The following SORCS3 variants were observed in gnomAD, a reference collection of about 807,000 sequenced individuals.
The protein encoded by SORCS3 is sortilin related VPS10 domain containing receptor 3.
SORCS3 carries 57 observed loss-of-function variants against 146.3 expected under a neutral mutation model. The observed-to-expected ratio is 0.39, with a 90% CI of 0.31 to 0.49. The LOEUF is 0.49. SORCS3 is among the 20% of genes least tolerant of loss of function. The pLI, the probability that SORCS3 is intolerant of heterozygous loss-of-function variation, is 0.92. For missense variants in SORCS3, 1,341 were observed against 1,575.5 expected (o/e 0.85, Z 2.52); for synonymous variants, 653 against 618.5 (o/e 1.06, Z -0.83).
chr10:105,222,764 C>G (rs191146406), intron 19 of SORCS3, among the ~76,000 whole-genome samples: 92 of 152,296 alleles, frequency 6.0e-4, no homozygotes, highest in African/African-American at 2.2e-3. Context: ...ACAATACAGG[C>G]TAATCATCAA....
At chr10:105,094,179 A>C (rs1298883601) in intron 6 of SORCS3, among the ~76,000 whole-genome samples, 1 of 152,156 alleles carries the variant, frequency 6.6e-6, no homozygotes, top group Non-Finnish European at 1.5e-5. Context: ...ATAGATAGAG[A>C]ATTTACTGGT....
intron 9 of SORCS3, among the ~76,000 whole-genome samples, chr10:105,151,312 A>G (rs1160106528): frequency 6.6e-6 from 1 of 152,202 alleles, no homozygotes; most frequent in Non-Finnish European, 1.5e-5. Context: ...AAGATTGTAA[A>G]TATACTGGTA....
chr10:104,641,525 C>A lies in SORCS3; in HGVS notation c.198C>A (p.Ser66Arg). The change falls in exon 1 of 27, where the codon AGC (serine) becomes AGA (arginine). Residue 66 changes from serine to arginine, a missense_variant. Transcript: ENST00000369701. This position sits in a 1 kb window ranked among gnomAD's most constrained non-coding sequence, Gnocchi z 6.4. ...LSPLSPRAVA[S>R]QWPEELASAR... ...CACTCTCGCCGCGGGCAGTGGCCAG[C>A]CAGTGGCCGGAGGAGCTGGCGTCGG... The A allele has an allele frequency of 6.8e-7, 1 of 1,474,662 alleles. No homozygotes were observed. Among genetic ancestry groups the A allele is most frequent in the South Asian group, 1.3e-5 (1 of 77,234 alleles). 91.3% of individuals were successfully genotyped at this position (1,474,662 alleles called of 1,614,324 possible). A position where few individuals can be genotyped will look rare whatever the true frequency, so the allele number is the denominator to read the frequency against.
intron 1 of SORCS3, among the ~76,000 whole-genome samples, chr10:104,720,374 C>T (rs915061364): frequency 5.3e-5 from 8 of 152,140 alleles, no homozygotes; most frequent in Non-Finnish European, 1.2e-4. Flanking sequence ...TCCAGTCTAT[C>T]ATTGTTGGAC....
In SORCS3 at chr10:104,772,029, A is replaced by G. The variant is rs575694617; in HGVS notation, c.628-70763A>G. On this transcript the variant is annotated intron_variant, in intron 1 of 26. Coordinates refer to ENST00000369701, the MANE Select transcript of SORCS3 (RefSeq NM_014978.3). ...TGTATCTGGGTGCAGGGAGGGGCCA[A>G]TGCTTAGGCTAAGACTTGTGTTTCG... 3.9e-4 allele frequency among the ~76,000 whole-genome samples: 60 copies of G among 152,256 alleles called. 1 individual carries two copies. Among genetic ancestry groups the G allele is most frequent in the African/African-American group, 1.4e-3 (59 of 41,538 alleles).
At chr10:105,210,008 T>A (rs917966646) in intron 16 of SORCS3, among the ~76,000 whole-genome samples, 14 of 152,060 alleles carry the variant, frequency 9.2e-5, no homozygotes, top group African/African-American at 2.2e-4. Flanking sequence ...TTTTAAGTTT[T>A]TTATTATTAT....
chr10:104,895,739 C>G (rs550371726), intron 2 of SORCS3, among the ~76,000 whole-genome samples: 5 of 152,336 alleles, frequency 3.3e-5, no homozygotes, highest in African/African-American at 1.2e-4. Context: ...CATGCCTGTA[C>G]ACGCTTACAT....
chr10:104,982,441 G>A (rs2054936402), intron 4 of SORCS3, among the ~76,000 whole-genome samples: 1 of 152,168 alleles, frequency 6.6e-6, no homozygotes, highest in African/African-American at 2.4e-5. Flanking sequence ...GCTATTGGCA[G>A]AAACAGGCTT....
At chr10:105,101,127 G>T (rs2133750032) in intron 6 of SORCS3, among the ~76,000 whole-genome samples, 1 of 152,300 alleles carries the variant, frequency 6.6e-6, no homozygotes, top group African/African-American at 2.4e-5. Context: ...CACACTTGTT[G>T]GAAGCCTATT....
chr10:104,824,922 A>G (rs143771073), intron 1 of SORCS3, among the ~76,000 whole-genome samples: 149 of 152,314 alleles, frequency 9.8e-4, no homozygotes, highest in African/African-American at 3.5e-3. Flanking sequence ...AGCCCCTGAA[A>G]TGAAAAGAGA....
At chr10:104,789,702 A>G (rs906048493) in intron 1 of SORCS3, among the ~76,000 whole-genome samples, 1 of 139,284 alleles carries the variant, frequency 7.2e-6, no homozygotes, top group South Asian at 2.3e-4. Flanking sequence ...GTTTAGTCAG[A>G]AAAAAAACTT....
intron 2 of SORCS3, among the ~76,000 whole-genome samples, chr10:104,893,038 G>A (rs4918138): frequency 0.1 from 15,398 of 152,196 alleles, 885 homozygotes; most frequent in South Asian, 0.27. Context: ...TTTAGAAGGA[G>A]CTACCCTCTC....
intron 2 of SORCS3, among the ~76,000 whole-genome samples, chr10:104,867,495 G>C (rs538459498): frequency 1.3e-5 from 2 of 152,146 alleles, no homozygotes; most frequent in South Asian, 4.1e-4. Context: ...ATTTTTAGTA[G>C]AGACAGGGTT....
intron 7 of SORCS3, among the ~76,000 whole-genome samples, chr10:105,105,985 C>T (rs1411978391): frequency 1.3e-5 from 2 of 152,118 alleles, no homozygotes; most frequent in African/African-American, 4.8e-5. Flanking sequence ...TGTCCCAAAG[C>T]GTTTACTCCC....
intron 25 of SORCS3, among the ~76,000 whole-genome samples, chr10:105,259,268 G>A (rs957574047): frequency 6.6e-6 from 1 of 152,162 alleles, no homozygotes; most frequent in African/African-American, 2.4e-5. Context: ...GCCATTAAAC[G>A]CTCTGTTGAG....
At chr10:104,828,682 A>G (rs930484247) in intron 1 of SORCS3, among the ~76,000 whole-genome samples, 2 of 152,130 alleles carry the variant, frequency 1.3e-5, no homozygotes, top group Admixed American at 1.3e-4. Context: ...AAAGAAAACC[A>G]CAGTATCTGT....
chr10:105,170,806 G>A (rs776533401), intron 13 of SORCS3, among the ~76,000 whole-genome samples: 2 of 152,174 alleles, frequency 1.3e-5, no homozygotes, highest in African/African-American at 2.4e-5. Context: ...GTAAGGGCTT[G>A]ACAATGTTAT....
At chr10:104,838,162 A>G (rs921878633) in intron 1 of SORCS3, among the ~76,000 whole-genome samples, 4 of 152,012 alleles carry the variant, frequency 2.6e-5, no homozygotes, top group Non-Finnish European at 5.9e-5. Flanking sequence ...TCCCATTCTC[A>G]TTCTGGGGCC....
intron 7 of SORCS3, among the ~76,000 whole-genome samples, chr10:105,138,678 G>A (rs560176843): frequency 7.2e-5 from 11 of 152,318 alleles, no homozygotes; most frequent in South Asian, 6.2e-4. Flanking sequence ...ATTTCTTGGC[G>A]TGGTTTCCAC....
Sources: allele counts gnomAD v4.1 joint callset (sites outside exome capture counted in the v4.1 genomes callset), GRCh38; gene constraint gnomAD v4.1.1; non-coding constraint Gnocchi (gnomAD v3.1); transcripts MANE v1.5; gene names NCBI Gene and HGNC (gene_info 2026-07-23, HGNC 2026-07-21).